FER1L6: variants seen among roughly 807,000 people sequenced by gnomAD.
FER1L6 encodes fer-1 like family member 6, also known as fer-1-like protein 6.
Under a neutral mutation model 219.2 loss-of-function variants are expected in FER1L6, and 177 were observed. The ratio of observed to expected loss-of-function variants is 0.81; its 90% CI spans 0.71 to 0.91. The LOEUF (loss-of-function observed/expected upper bound fraction) is 0.91, where lower values mean the gene tolerates loss of function less well. Among genes scored for constraint, FER1L6 ranks in the 40% least tolerant of loss-of-function variants. The pLI, the probability that FER1L6 is intolerant of heterozygous loss-of-function variation, is 0.00. For missense variants in FER1L6, 2,153 were observed against 2,259.9 expected (o/e 0.95, Z 0.96); for synonymous variants, 768 against 824.3 (o/e 0.93, Z 1.17).
At chr8:123,923,677 T>C (rs889855270) in intron 1 of FER1L6, among the ~76,000 whole-genome samples, 1 of 152,136 alleles carries the variant, frequency 6.6e-6, no homozygotes, top group Non-Finnish European at 1.5e-5. Context: ...GCTAAGCCCA[T>C]GCGTTATTTT....
chr8:124,086,711 G>C (rs1180169313), intron 33 of FER1L6, among the ~76,000 whole-genome samples: 1 of 151,920 alleles, frequency 6.6e-6, no homozygotes, highest in African/African-American at 2.4e-5. Flanking sequence ...ATTTCTTATT[G>C]ATCATTAACA....
chr8:124,094,590 A>G (rs1214419829), intron 34 of FER1L6, among the ~76,000 whole-genome samples: 1 of 152,040 alleles, frequency 6.6e-6, no homozygotes, highest in Admixed American at 6.5e-5. Flanking sequence ...GGTTCAAGCG[A>G]TTCTCCTGCC....
chr8:124,043,857 C>T (rs760750917), intron 20 of FER1L6, among the ~76,000 whole-genome samples: 60 of 152,208 alleles, frequency 3.9e-4, no homozygotes, highest in Non-Finnish European at 8.8e-5. Context: ...TGGAGGTGGT[C>T]ATGCAGTCCT....
chr8:123,937,723 A>C (rs1241286001), intron 1 of FER1L6, among the ~76,000 whole-genome samples: 1 of 152,250 alleles, frequency 6.6e-6, no homozygotes, highest in African/African-American at 2.4e-5. Context: ...CAAGATTTAT[A>C]ATATGCTTTT....
intron 28 of FER1L6, among the ~76,000 whole-genome samples, chr8:124,068,210 A>T (rs1820905381): frequency 6.6e-6 from 1 of 152,186 alleles, no homozygotes; most frequent in African/African-American, 2.4e-5. Context: ...ATTTCAAATG[A>T]CCACAAACTC....
chr8:123,957,605 C>T (rs772486210), intron 2 of FER1L6, among the ~76,000 whole-genome samples: 4 of 152,076 alleles, frequency 2.6e-5, no homozygotes, highest in Non-Finnish European at 5.9e-5. Flanking sequence ...AGTGGTTTGC[C>T]CCAGGTCACA....
Position 123,972,773 on chromosome 8 carries a change from T to C in FER1L6, c.448-661T>C, listed in dbSNP as rs79679668. 3.7e-3 allele frequency among the ~76,000 whole-genome samples: 561 copies of C among 152,338 alleles called. 4 individuals are homozygous for C. Among genetic ancestry groups the C allele is most frequent in the African/African-American group, 0.013 (535 of 41,574 alleles). On this transcript the variant is annotated intron_variant, in intron 6 of 40. Transcript: ENST00000522917. Reference sequence around the variant, plus strand: ...CTCCACACCTGCCAGTTTTCTCTTTTATGGGTGACAGATTGAACTTTTCTC... The same window carrying C: ...CTCCACACCTGCCAGTTTTCTCTTTCATGGGTGACAGATTGAACTTTTCTC...
Position 123,975,914 on chromosome 8 carries a change from A to G in FER1L6, c.700A>G (p.Asn234Asp). 6.2e-7 allele frequency: 1 copy of G among 1,603,042 alleles called. No individual in the cohort carries two copies. Among genetic ancestry groups the G allele is most frequent in the South Asian group, 1.1e-5 (1 of 88,406 alleles). The change falls in exon 9 of 41, where the codon AAT (asparagine) becomes GAT (aspartate). Residue 234 changes from asparagine (N) to aspartate (D), a missense_variant. Coordinates refer to ENST00000522917, the MANE Select transcript of FER1L6 (RefSeq NM_001039112.2). ...CCCTCTAAGGAACCTTTTGATCCCC[A>G]ATGGGTTTCCACTGGAGAGACCGTG... is the stretch of plus-strand genomic sequence containing the variant. ...EPIEKNLLIP[N>D]GFPLERPWAR...
rs763163862 is a variant in FER1L6, at chr8:124,035,300, T to A, written c.2310T>A (p.Gly770=). Reference sequence around the variant, plus strand: ...AGCCTCCTGGGAAACGACCGGCTGGTTGGTCTGTGCAAGCAAAAGTCGACG... The same window carrying A: ...AGCCTCCTGGGAAACGACCGGCTGGATGGTCTGTGCAAGCAAAAGTCGACG... The part of the protein sequence containing the change: ...FLKPPGKRPA[G]WSVQAKVDVY... Residue 770 remains glycine, a synonymous_variant, in exon 19 of 41, where the codon GGT becomes GGA. Transcript: ENST00000522917. The A allele has an allele frequency of 6.2e-7, 1 of 1,613,680 alleles. No individual in the cohort carries two copies. Among genetic ancestry groups the A allele is most frequent in the Admixed American group, 1.7e-5 (1 of 59,920 alleles).
At chr8:124,014,173 T>C (rs1586591849) in intron 15 of FER1L6, 1 of 152,548 alleles carries the variant, frequency 6.6e-6, no homozygotes, top group African/African-American at 2.4e-5. Context: ...CAGAAGCTTA[T>C]ATATATCCTT....
In FER1L6 at chr8:123,864,913, G is replaced by A. The variant is rs907611167; in HGVS notation, c.-8+12728G>A. Among the ~76,000 whole-genome samples, 2 of 150,718 alleles carry A rather than the reference G, an allele frequency of 1.3e-5. 1 individual carries two copies. The highest frequency in any genetic ancestry group is 5.0e-5 in the African/African-American group (2 of 40,140). The stretch of plus-strand genomic sequence containing the variant: ...TTTTTTCAAAGTTTTCAACTTCTTT[G>A]CCTTTGGTTTGAATGTCCTCCTGTA... On this transcript the variant is annotated intron_variant, in intron 1 of 40. Transcript: ENST00000522917.
chr8:124,045,753 G>T lies in FER1L6; in HGVS notation c.2590-14G>T. On this transcript the variant is annotated splice_polypyrimidine_tract_variant and intron_variant, in intron 20 of 40. Transcript: ENST00000522917. ...TTGAATGATCTTTTGCTTTTCTTTG[G>T]TCCCTGCTTCCAGATAATCTCCCAG... 6.2e-7 allele frequency: 1 copy of T among 1,613,560 alleles called. No homozygotes were observed. Among genetic ancestry groups the T allele is most frequent in the Non-Finnish European group, 8.5e-7 (1 of 1,179,866 alleles).
At chr8:124,086,113 G>T (rs1384584840) in intron 33 of FER1L6, among the ~76,000 whole-genome samples, 1 of 151,690 alleles carries the variant, frequency 6.6e-6, no homozygotes, top group African/African-American at 2.4e-5. Flanking sequence ...GGTAAAGTAT[G>T]TTTTTTTGTA....
At chr8:124,016,858 T>A (rs947085855) in intron 15 of FER1L6, among the ~76,000 whole-genome samples, 4 of 152,200 alleles carry the variant, frequency 2.6e-5, no homozygotes, top group African/African-American at 9.7e-5. Context: ...TGTTCAATTA[T>A]TTTTGAAGGG....
At chr8:123,937,254 G>A (rs1326496556) in intron 1 of FER1L6, among the ~76,000 whole-genome samples, 2 of 152,210 alleles carry the variant, frequency 1.3e-5, no homozygotes, top group African/African-American at 4.8e-5. Context: ...TTCACTGAAC[G>A]AGGGAAACAG....
intron 12 of FER1L6, among the ~76,000 whole-genome samples, chr8:124,001,014 A>T (rs1563735130): frequency 1.3e-5 from 2 of 152,178 alleles, no homozygotes; most frequent in Non-Finnish European, 2.9e-5. Context: ...ACCAGAGAAG[A>T]GGAAGGAGAC....
intron 1 of FER1L6, among the ~76,000 whole-genome samples, chr8:123,862,723 G>A (rs200297724): frequency 8.0e-6 from 1 of 124,294 alleles, no homozygotes; most frequent in South Asian, 2.6e-4. Flanking sequence ...TGTATGTGTC[G>A]AGGAATGTAT....
intron 10 of FER1L6, among the ~76,000 whole-genome samples, chr8:123,978,955 G>A (rs942661275): frequency 6.6e-6 from 1 of 152,042 alleles, no homozygotes; most frequent in African/African-American, 2.4e-5. Context: ...AACCTTTTAG[G>A]AACATCTTGA....
Position 124,082,375 on chromosome 8 carries a change from T to C in FER1L6, c.4308T>C (p.Leu1436=), listed in dbSNP as rs1821591762. 2 of 1,614,108 alleles carry C rather than the reference T, an allele frequency of 1.2e-6. No homozygotes were observed. The highest frequency in any genetic ancestry group is 8.5e-7 in the Non-Finnish European group (1 of 1,179,964). ...YDHDMIGTDD[L]IGETKIDLEN... ...ATGACATGATTGGCACAGATGACCT[T>C]ATTGGTGAGACCAAGATCGACCTGG... Residue 1436 remains leucine, a synonymous_variant, in exon 33 of 41, where the codon CTT becomes CTC. Coordinates refer to ENST00000522917, the MANE Select transcript of FER1L6 (RefSeq NM_001039112.2).
Sources: gnomAD v4.1 joint callset for allele counts (sites outside exome capture counted in the v4.1 genomes callset) on GRCh38, gnomAD v4.1.1 for gene constraint, MANE v1.5 for transcripts, NCBI Gene and HGNC (gene_info 2026-07-23, HGNC 2026-07-21) for gene names.